TUT7: variants seen among roughly 807,000 people sequenced by gnomAD.
TUT7 encodes terminal uridylyltransferase 7.
Under a neutral mutation model 165.9 loss-of-function variants are expected in TUT7, and 33 were observed. That is an observed-to-expected ratio of 0.20 (90% CI 0.15 to 0.27). The LOEUF (loss-of-function observed/expected upper bound fraction) is 0.27, where lower values mean the gene tolerates loss of function less well. TUT7 is among the 10% of genes least tolerant of loss of function. The pLI, the probability that TUT7 is intolerant of heterozygous loss-of-function variation, is 1.00. For synonymous variants in TUT7, 552 were observed against 608.1 expected (o/e 0.91, Z 1.36); for missense variants, 1,338 against 1,762.3 (o/e 0.76, Z 4.31).
intron 26 of TUT7, among the ~76,000 whole-genome samples, chr9:86,297,921 C>CTTTTTTTTTTTTTTTTTTTTT (rs59651352): frequency 3.5e-5 from 3 of 86,496 alleles, no homozygotes; most frequent in Non-Finnish European, 6.1e-5. Flanking sequence ...GCCTGCTCCA[C>CTTTTTTTTTTTTTTTTTTTTT]TTTTTTTTTT....
intron 26 of TUT7, among the ~76,000 whole-genome samples, chr9:86,295,974 G>C (rs938010135): frequency 1.3e-5 from 2 of 152,070 alleles, no homozygotes; most frequent in Non-Finnish European, 2.9e-5. Context: ...ACATAAACCA[G>C]AGTCATTAAC....
At chr9:86,334,427 G>A (rs947417978) in intron 10 of TUT7, among the ~76,000 whole-genome samples, 4 of 152,032 alleles carry the variant, frequency 2.6e-5, no homozygotes, top group Non-Finnish European at 4.4e-5. Context: ...CTGAGCCTTC[G>A]GAAATTTGTC....
chr9:86,353,749 G>A (rs1333261587), intron 1 of TUT7, among the ~76,000 whole-genome samples: 1 of 152,168 alleles, frequency 6.6e-6, no homozygotes, highest in Admixed American at 6.5e-5. Flanking sequence ...GGACAGACCG[G>A]CTTTGAGCGC....
intron 10 of TUT7, among the ~76,000 whole-genome samples, chr9:86,330,102 G>A (rs1170963480): frequency 1.3e-5 from 2 of 152,102 alleles, no homozygotes; most frequent in East Asian, 3.8e-4. Flanking sequence ...CTGTTGCCCA[G>A]GCTGGAGTGC....
At position 86,294,469 on chromosome 9, in the gene TUT7, C is replaced by T. The variant is rs1826139165; in HGVS notation, c.4421-5725G>A. Among the ~76,000 whole-genome samples, 3 of 151,882 alleles carry T rather than the reference C, an allele frequency of 2.0e-5. No individual in the cohort carries two copies. The South Asian group carries it at 6.2e-4, about 31-fold the overall frequency. On this transcript the variant is annotated intron_variant, in intron 26 of 26. Transcript: ENST00000375963. ...TTTTGTCATGTAATTAAGAAGGAAT[C>T]AAAATAATTGAGTGGCACTATTGTA...
intron 5 of TUT7, among the ~76,000 whole-genome samples, chr9:86,343,697 G>A (rs998199290): frequency 6.6e-6 from 1 of 152,058 alleles, no homozygotes; most frequent in Non-Finnish European, 1.5e-5. Flanking sequence ...ATTATATTAT[G>A]AACAAAAAGC....
intron 2 of TUT7, among the ~76,000 whole-genome samples, chr9:86,348,266 C>T (rs747862528): frequency 9.2e-5 from 14 of 152,180 alleles, no homozygotes; most frequent in Non-Finnish European, 1.6e-4. Flanking sequence ...CAGATAATGG[C>T]AGCTACCATG....
intron 26 of TUT7, among the ~76,000 whole-genome samples, chr9:86,298,589 T>C (rs769005860): frequency 6.6e-6 from 1 of 152,180 alleles, no homozygotes; most frequent in South Asian, 2.1e-4. Context: ...ACTGAAGAAT[T>C]AGCTTTAGGA....
intron 26 of TUT7, among the ~76,000 whole-genome samples, chr9:86,291,572 CAAA>C (rs969598470): frequency 2.1e-5 from 1 of 48,082 alleles, no homozygotes; most frequent in African/African-American, 7.4e-5. Flanking sequence ...AACTCCATCT[CAAA>C]AAAAAAAAAA....
Position 86,288,584 on chromosome 9 carries a change from G to C in TUT7, c.*93C>G. The C allele has an allele frequency of 2.2e-6, 2 of 898,186 alleles. No individual in the cohort carries two copies. The highest frequency in any genetic ancestry group is 1.7e-5 in the African/African-American group (1 of 60,008). The allele number at this position is 898,186 out of a possible 1,614,324, so 55.6% of individuals were successfully genotyped here. Reference sequence around the variant, plus strand: ...TCCCTTAAATGTTAAGTTGAAGCCTGATCTACACTGCTGTGTCCTGTGAAA... The same window carrying C: ...TCCCTTAAATGTTAAGTTGAAGCCTCATCTACACTGCTGTGTCCTGTGAAA... On this transcript the variant is annotated 3_prime_UTR_variant, in exon 27 of 27. Coordinates refer to ENST00000375963, the MANE Select transcript of TUT7 (RefSeq NM_024617.4).
At chr9:86,316,131 T>C (rs994133026) in intron 17 of TUT7, among the ~76,000 whole-genome samples, 11 of 152,232 alleles carry the variant, frequency 7.2e-5, no homozygotes, top group African/African-American at 2.7e-4. Context: ...CACAGAAGTT[T>C]GCTGAACTAC....
intron 16 of TUT7, among the ~76,000 whole-genome samples, chr9:86,318,186 TC>T (rs1421822746): frequency 2.6e-5 from 4 of 152,226 alleles, no homozygotes; most frequent in Non-Finnish European, 5.9e-5. Context: ...ACTCAGCACT[TC>T]CTAGACTTTA....
rs1828017344 is a variant in TUT7 at position 86,311,205 on chromosome 9, G to T, written c.3275-396C>A. ...TCTCCATGTGACTATATCTAATTTGGAGAACAGCCTAAGGGACGATTATCC... is the reference window on the plus strand; with the variant it reads ...TCTCCATGTGACTATATCTAATTTGTAGAACAGCCTAAGGGACGATTATCC... On this transcript the variant is annotated intron_variant, in intron 17 of 26. Transcript: ENST00000375963. This position sits in a 1 kb window ranked among gnomAD's most constrained non-coding sequence, Gnocchi z 4.4. Among the ~76,000 whole-genome samples the T allele has an allele frequency of 6.6e-6, 1 of 152,180 alleles. No individual in the cohort carries two copies. Among genetic ancestry groups the T allele is most frequent in the Admixed American group, 6.5e-5 (1 of 15,288 alleles).
intron 24 of TUT7, among the ~76,000 whole-genome samples, chr9:86,303,669 C>G (rs915717458): frequency 6.6e-6 from 1 of 152,122 alleles, no homozygotes; most frequent in African/African-American, 2.4e-5. Flanking sequence ...GGAAAAATAA[C>G]AGAACAAAGG....
chr9:86,347,583 C>T (rs1177226296), intron 2 of TUT7, among the ~76,000 whole-genome samples: 1 of 151,966 alleles, frequency 6.6e-6, no homozygotes, highest in Non-Finnish European at 1.5e-5. Flanking sequence ...GCTGAGAGCG[C>T]TAAAGGATAA....
chr9:86,337,735 T>C (rs1463833765), intron 9 of TUT7, among the ~76,000 whole-genome samples, 197 bp from the exon 10 acceptor site: 1 of 152,236 alleles, frequency 6.6e-6, no homozygotes, highest in Non-Finnish European at 1.5e-5. Flanking sequence ...TAAGTGATAG[T>C]TTCAATTTTG....
intron 18 of TUT7, among the ~76,000 whole-genome samples, 196 bp from the exon 19 acceptor site, chr9:86,310,213 G>A (rs1179509462): frequency 2.6e-5 from 4 of 151,848 alleles, no homozygotes; most frequent in East Asian, 1.9e-4. Context: ...GCCACCATGC[G>A]AGCCTAGATG....
chr9:86,340,348 G>C (rs527851727), intron 7 of TUT7, among the ~76,000 whole-genome samples: 1 of 152,246 alleles, frequency 6.6e-6, no homozygotes, highest in Non-Finnish European at 1.5e-5. Context: ...CTACATCATT[G>C]GATCAGAAAA....
rs925838378 is a variant in TUT7, at chr9:86,343,277, C to A, written c.998-114G>T. On this transcript the variant is annotated intron_variant, in intron 5 of 26. Coordinates refer to ENST00000375963, the MANE Select transcript of TUT7 (RefSeq NM_024617.4). ...CATCAATTAAAATTACACACAAAAG[C>A]AAACTTGTATTCAAGACTAGCATAA... 2.0e-4 allele frequency: 117 copies of A among 598,740 alleles called. 1 individual carries two copies. The highest frequency in any genetic ancestry group is 2.5e-4 in the Non-Finnish European group (96 of 382,872). The allele number at this position is 598,740 out of a possible 1,614,324, so 37.1% of individuals were successfully genotyped here.
Sources: gnomAD v4.1 joint callset for allele counts (sites outside exome capture counted in the v4.1 genomes callset) on GRCh38, gnomAD v4.1.1 for gene constraint, Gnocchi (gnomAD v3.1) non-coding constraint, MANE v1.5 for transcripts, NCBI Gene and HGNC (gene_info 2026-07-23, HGNC 2026-07-21) for gene names.